The following UBE2E2 variants were observed in gnomAD, a reference collection of about 807,000 sequenced individuals.
UBE2E2 encodes the protein ubiquitin conjugating enzyme E2 E2, also known as ubiquitin-conjugating enzyme E2 E2.
A neutral mutation model predicts 24.7 loss-of-function variants in UBE2E2; 6 were observed. The ratio of observed to expected loss-of-function variants is 0.24; its 90% CI spans 0.13 to 0.48. The LOEUF is 0.48. Ranked by LOEUF, UBE2E2 falls within the 20% of genes least tolerant of loss-of-function variation. The pLI is 0.99. For synonymous variants in UBE2E2, 104 were observed against 83.6 expected (o/e 1.24, Z -1.33); for missense variants, 169 against 245.0 (o/e 0.69, Z 2.07).
intron 3 of UBE2E2, among the ~76,000 whole-genome samples, chr3:23,250,525 C>T (rs146832893): frequency 1.2e-3 from 182 of 152,196 alleles, no homozygotes; most frequent in African/African-American, 4.2e-3. Context: ...GTATTGTTTC[C>T]TCATATTCTG....
At chr3:23,249,823 T>A (rs1370153806) in intron 3 of UBE2E2, among the ~76,000 whole-genome samples, 1 of 151,874 alleles carries the variant, frequency 6.6e-6, no homozygotes, top group Non-Finnish European at 1.5e-5. Flanking sequence ...ACCTGGCTAA[T>A]TTTTTTGTAT....
intron 3 of UBE2E2, among the ~76,000 whole-genome samples, chr3:23,359,089 A>G (rs570046875): frequency 2.8e-4 from 42 of 152,312 alleles, no homozygotes; most frequent in South Asian, 1.0e-3. Flanking sequence ...TGACTATTCA[A>G]CTATTCAACA....
intron 3 of UBE2E2, among the ~76,000 whole-genome samples, chr3:23,352,819 G>GTAC (rs1206276476): frequency 6.6e-6 from 1 of 152,172 alleles, no homozygotes; most frequent in Non-Finnish European, 1.5e-5. Flanking sequence ...GGAGGAACTG[G>GTAC]TACGATTCTT....
At chr3:23,256,454 T>C (rs374876407) in intron 3 of UBE2E2, among the ~76,000 whole-genome samples, 20 of 146,698 alleles carry the variant, frequency 1.4e-4, no homozygotes, top group East Asian at 1.0e-3. Context: ...ACTAAAACTT[T>C]TGCATTGTAA....
At chr3:23,352,474 G>C (rs1002080723) in intron 3 of UBE2E2, among the ~76,000 whole-genome samples, 2 of 152,106 alleles carry the variant, frequency 1.3e-5, no homozygotes, top group Admixed American at 1.3e-4. Context: ...CAACAAAATT[G>C]TTAGACCGCT....
At chr3:23,432,510 A>G (rs1415709565) in intron 3 of UBE2E2, among the ~76,000 whole-genome samples, 1 of 152,078 alleles carries the variant, frequency 6.6e-6, no homozygotes, top group Non-Finnish European at 1.5e-5. Context: ...GTAAGTGCAT[A>G]TATCAACATT....
At chr3:23,426,452 C>T (rs1697927758) in intron 3 of UBE2E2, among the ~76,000 whole-genome samples, 1 of 147,546 alleles carries the variant, frequency 6.8e-6, no homozygotes, top group Admixed American at 6.7e-5. Context: ...ATAGTCATAT[C>T]ATATTCAAAT....
intron 3 of UBE2E2, among the ~76,000 whole-genome samples, chr3:23,393,998 T>G (rs956536097): frequency 1.3e-5 from 2 of 152,188 alleles, no homozygotes; most frequent in Admixed American, 6.5e-5. Flanking sequence ...TGCTAACACC[T>G]GCCTTAGAGC....
intron 3 of UBE2E2, among the ~76,000 whole-genome samples, chr3:23,413,076 TAGGAGATATACCTAATGCTAAATG>T (rs1236608065): frequency 1.3e-5 from 2 of 151,086 alleles, no homozygotes; most frequent in African/African-American, 4.9e-5. Flanking sequence ...GGAATAGCAT[TAGGAGATATACCTAATGCTAAATG>T]AGGAGTTAAT....
intron 3 of UBE2E2, among the ~76,000 whole-genome samples, chr3:23,258,996 C>G (rs1384707661): frequency 6.8e-6 from 1 of 146,504 alleles, no homozygotes; most frequent in Admixed American, 6.8e-5. Flanking sequence ...CAAAATAAGA[C>G]TTTTTCTGAA....
chr3:23,249,534 A>G (rs1697512868), intron 3 of UBE2E2, among the ~76,000 whole-genome samples: 1 of 152,226 alleles, frequency 6.6e-6, no homozygotes. Flanking sequence ...TTGATTCAGG[A>G]TAAACGTAGT....
At chr3:23,348,251 T>A (rs979161265) in intron 3 of UBE2E2, among the ~76,000 whole-genome samples, 1 of 151,604 alleles carries the variant, frequency 6.6e-6, no homozygotes, top group Admixed American at 6.6e-5. Context: ...ATGCTCCTGC[T>A]GCATGGTTTT....
chr3:23,300,216 G>A (rs13096458), intron 3 of UBE2E2, among the ~76,000 whole-genome samples: 10,016 of 151,754 alleles, frequency 0.066, 478 homozygotes, highest in Non-Finnish European at 0.09. Flanking sequence ...CAGCACACTG[G>A]TGGGTCTTGA....
intron 5 of UBE2E2, among the ~76,000 whole-genome samples, chr3:23,565,065 T>C (rs1372648728): frequency 6.6e-6 from 1 of 152,128 alleles, no homozygotes; most frequent in Non-Finnish European, 1.5e-5. Context: ...GTCAAAAAAG[T>C]AAACAATATA....
intron 3 of UBE2E2, among the ~76,000 whole-genome samples, chr3:23,278,246 TAA>T (rs1272605384): frequency 6.6e-6 from 1 of 152,094 alleles, no homozygotes; most frequent in African/African-American, 2.4e-5. Context: ...CAGTATTTAT[TAA>T]GTTTTTCCTA....
chr3:23,546,313 CTTG>C (rs1695520333), intron 5 of UBE2E2, among the ~76,000 whole-genome samples: 1 of 151,958 alleles, frequency 6.6e-6, no homozygotes, highest in African/African-American at 2.4e-5. Context: ...TGTCATTGTT[CTTG>C]TTGTTTAGAG....
intron 3 of UBE2E2, among the ~76,000 whole-genome samples, chr3:23,455,060 T>C (rs1044957643): frequency 6.6e-6 from 1 of 152,178 alleles, no homozygotes; most frequent in Non-Finnish European, 1.5e-5. Flanking sequence ...AAGAATAGTT[T>C]TAATGCAGAT....
chr3:23,222,619 C>T (rs1696685375), intron 3 of UBE2E2, among the ~76,000 whole-genome samples: 1 of 152,170 alleles, frequency 6.6e-6, no homozygotes, highest in African/African-American at 2.4e-5. Context: ...AATTGTGAGG[C>T]CTCTCAAGCC....
At chr3:23,409,928 T>C (rs1280594677) in intron 3 of UBE2E2, among the ~76,000 whole-genome samples, 1 of 152,202 alleles carries the variant, frequency 6.6e-6, no homozygotes, top group Non-Finnish European at 1.5e-5. Context: ...TACTGTCATC[T>C]TTTCTCTTAT....
Sources: allele counts gnomAD v4.1 joint callset (sites outside exome capture counted in the v4.1 genomes callset), GRCh38; gene constraint gnomAD v4.1.1; transcripts MANE v1.5; gene names NCBI Gene and HGNC (gene_info 2026-07-23, HGNC 2026-07-21).